The following COL24A1 variants were observed in gnomAD, a reference collection of about 807,000 sequenced individuals.
COL24A1 encodes collagen alpha-1(XXIV) chain.
A neutral mutation model predicts 253.9 loss-of-function variants in COL24A1; 224 were observed. The ratio of observed to expected loss-of-function variants is 0.88; its 90% CI spans 0.79 to 0.99. The LOEUF (loss-of-function observed/expected upper bound fraction) is 0.99, where lower values mean the gene tolerates loss of function less well. Among genes scored for constraint, COL24A1 ranks in the 50% least tolerant of loss-of-function variants. The pLI, the probability that COL24A1 is intolerant of heterozygous loss-of-function variation, is 0.00. For synonymous variants in COL24A1, 685 were observed against 673.7 expected, an observed-to-expected ratio of 1.02 and a Z score of -0.26; for missense variants, 2,131 against 2,068.5, an observed-to-expected ratio of 1.03 and a Z score of -0.59.
At chr1:85,962,444 A>G (rs1691171663) in intron 23 of COL24A1, among the ~76,000 whole-genome samples, 1 of 152,192 alleles carries the variant, frequency 6.6e-6, no homozygotes, top group Admixed American at 6.6e-5. Context: ...ACATTTCACT[A>G]CAGAAATATT....
intron 28 of COL24A1, among the ~76,000 whole-genome samples, chr1:85,905,600 A>G (rs904767286): frequency 3.9e-5 from 6 of 152,096 alleles, no homozygotes; most frequent in African/African-American, 1.4e-4. Flanking sequence ...TAAAAATTTT[A>G]AAAATGATGA....
chr1:85,876,195 T>C (rs1681147854), intron 33 of COL24A1, among the ~76,000 whole-genome samples: 1 of 151,776 alleles, frequency 6.6e-6, no homozygotes, highest in African/African-American at 2.4e-5. Context: ...CATGAGAGTG[T>C]AGGGGCTATT....
At chr1:85,809,770 C>T (rs1391921545) in intron 47 of COL24A1, among the ~76,000 whole-genome samples, 1 of 147,486 alleles carries the variant, frequency 6.8e-6, no homozygotes, top group Non-Finnish European at 1.5e-5. Flanking sequence ...TACACACACA[C>T]ATATATATAG....
chr1:85,840,709 G>T (rs1676517130), intron 42 of COL24A1, among the ~76,000 whole-genome samples: 1 of 152,010 alleles, frequency 6.6e-6, no homozygotes, highest in Admixed American at 6.6e-5. Context: ...AGAGACCATG[G>T]TTATAGTTAA....
At chr1:85,886,331 G>A (rs865796088) in intron 32 of COL24A1, among the ~76,000 whole-genome samples, 33 of 151,808 alleles carry the variant, frequency 2.2e-4, no homozygotes, top group African/African-American at 7.2e-4. Flanking sequence ...TTACAGGCGT[G>A]AGCCACCGTG....
intron 37 of COL24A1, among the ~76,000 whole-genome samples, chr1:85,857,978 T>A (rs962534317): frequency 6.6e-6 from 1 of 152,212 alleles, no homozygotes; most frequent in Non-Finnish European, 1.5e-5. Flanking sequence ...GGCTAAAATC[T>A]AGGGTTTATT....
intron 11 of COL24A1, among the ~76,000 whole-genome samples, chr1:86,049,469 A>G (rs1700149106): frequency 6.6e-6 from 1 of 152,176 alleles, no homozygotes; most frequent in African/African-American, 2.4e-5. Context: ...CTAATTTCAA[A>G]TTCTATGACA....
chr1:85,865,080 A>G (rs1679630711), intron 37 of COL24A1, among the ~76,000 whole-genome samples: 1 of 151,856 alleles, frequency 6.6e-6, no homozygotes, highest in African/African-American at 2.4e-5. Flanking sequence ...TTCATTACTG[A>G]TGCTTCCCTT....
intron 7 of COL24A1, among the ~76,000 whole-genome samples, chr1:86,064,425 TA>T (rs1427157757): frequency 1.3e-5 from 2 of 152,002 alleles, no homozygotes; most frequent in Non-Finnish European, 2.9e-5. Flanking sequence ...AAGAAAGATA[TA>T]GGAGCAAAAT....
At chr1:85,810,805 T>C (rs1229210500) in intron 47 of COL24A1, among the ~76,000 whole-genome samples, 1 of 152,212 alleles carries the variant, frequency 6.6e-6, no homozygotes, top group African/African-American at 2.4e-5. Context: ...TCCAGCACCA[T>C]GCTTCCTGTA....
At chr1:85,867,364 G>A (rs1679906154) in intron 37 of COL24A1, among the ~76,000 whole-genome samples, 2 of 152,248 alleles carry the variant, frequency 1.3e-5, no homozygotes, top group Admixed American at 1.3e-4. Flanking sequence ...GAGCACAGAA[G>A]CACTGTGGTT....
intron 2 of COL24A1, among the ~76,000 whole-genome samples, chr1:86,139,048 T>TCTA (rs1374701031): frequency 6.6e-6 from 1 of 152,056 alleles, no homozygotes; most frequent in Non-Finnish European, 1.5e-5. Context: ...CTTCTAAGCT[T>TCTA]ACAAAGCTGA....
In COL24A1 at chr1:85,795,415, T is replaced by A. The variant is rs192932321; in HGVS notation, c.3952-8954A>T. On this transcript the variant is annotated intron_variant, in intron 47 of 59. Coordinates refer to ENST00000370571, the MANE Select transcript of COL24A1 (RefSeq NM_152890.7). ...ATTCTCATTAGGATTGAAACAAATA[T>A]ATTAAAAAATAAGCAATAAAAAATA... Among the ~76,000 whole-genome samples, 733 of 152,258 alleles carry A rather than the reference T, an allele frequency of 4.8e-3. 3 individuals are homozygous for A. Among genetic ancestry groups the A allele is most frequent in the African/African-American group, 0.017 (705 of 41,564 alleles).
At chr1:85,757,909 G>A (rs1184773123) in intron 55 of COL24A1, among the ~76,000 whole-genome samples, 1 of 152,118 alleles carries the variant, frequency 6.6e-6, no homozygotes, top group Non-Finnish European at 1.5e-5. Context: ...ACTCTAGTTA[G>A]AGAGAACATA....
intron 57 of COL24A1, among the ~76,000 whole-genome samples, chr1:85,740,022 C>A (rs999315641): frequency 1.3e-5 from 2 of 152,124 alleles, no homozygotes; most frequent in Admixed American, 6.5e-5. Flanking sequence ...TCCCTTCTTA[C>A]CCAGCTTAAA....
chr1:85,869,758 G>C (rs895955430), intron 35 of COL24A1, among the ~76,000 whole-genome samples: 2 of 152,168 alleles, frequency 1.3e-5, no homozygotes, highest in African/African-American at 2.4e-5. Flanking sequence ...AAATTGTAAA[G>C]ACCATCGATG....
chr1:85,900,625 T>TC (rs1684188205), intron 28 of COL24A1, among the ~76,000 whole-genome samples: 1 of 151,692 alleles, frequency 6.6e-6, no homozygotes, highest in Non-Finnish European at 1.5e-5. Context: ...GGTGACAGAG[T>TC]TACACCCCAT....
chr1:86,060,922 C>T (rs1701042018), intron 8 of COL24A1, among the ~76,000 whole-genome samples: 1 of 151,612 alleles, frequency 6.6e-6, no homozygotes, highest in Non-Finnish European at 1.5e-5. Context: ...ATTCCTATAA[C>T]ATTTATTGAG....
At chr1:86,059,229 T>C in intron 8 of COL24A1, 55 bp from the exon 9 acceptor site, 3 of 1,305,166 alleles carry the variant, frequency 2.3e-6, no homozygotes, top group Non-Finnish European at 3.2e-6. Context: ...ACAAATTTGG[T>C]ATATTTACAA....
Sources: allele counts gnomAD v4.1 joint callset (sites outside exome capture counted in the v4.1 genomes callset), GRCh38; gene constraint gnomAD v4.1.1; transcripts MANE v1.5; gene names NCBI Gene and HGNC (gene_info 2026-07-23, HGNC 2026-07-21).